The following DNAAF9 variants were observed in gnomAD, a reference collection of about 807,000 sequenced individuals.
DNAAF9 encodes the protein shulin.
A neutral mutation model predicts 167.0 loss-of-function variants in DNAAF9; 90 were observed. The observed-to-expected ratio is 0.54, with a 90% confidence interval of 0.45 to 0.64. The LOEUF (loss-of-function observed/expected upper bound fraction) is 0.64, where lower values mean the gene tolerates loss of function less well. Among genes scored for constraint, DNAAF9 ranks in the 30% least tolerant of loss-of-function variants. DNAAF9 has a pLI of 0.00. For synonymous variants in DNAAF9, 491 were observed against 508.8 expected (o/e 0.96, Z 0.47); for missense variants, 1,315 against 1,442.2 (o/e 0.91, Z 1.43).
chr20:3,294,581 C>T lies in DNAAF9; in HGVS notation c.2067G>A (p.Gly689=). ...KLFSALSQPA[G]EKRSSLKLLS... is the part of the protein sequence containing the mutation. ...GTAACTTTAGGGAACTCCGTTTCTC[C>T]CCAGCAGGCTGGCTCAGGGCACTGA... The change falls in exon 24 of 37, where the codon GGG becomes GGA. Residue 689 remains glycine, a synonymous_variant. Coordinates refer to ENST00000252032, the MANE Select transcript of DNAAF9 (RefSeq NM_001009984.3). 6.2e-7 allele frequency: 1 copy of T among 1,613,882 alleles called. No homozygotes were observed. The highest frequency in any genetic ancestry group is 2.2e-5 in the East Asian group (1 of 44,872).
rs1600724370 is a variant in DNAAF9, at chr20:3,294,891, A to G, written c.2019-262T>C. On this transcript the variant is annotated intron_variant, in intron 23 of 36. Coordinates refer to ENST00000252032, the MANE Select transcript of DNAAF9 (RefSeq NM_001009984.3). The stretch of plus-strand genomic sequence containing the variant: ...ACCTCTCCTTTTTTTTTTGAGATGG[A>G]GTCTTGCTCTGTTGCCCAGGCTGGA... Among the ~76,000 whole-genome samples, 5 of 151,554 alleles carry G rather than the reference A, an allele frequency of 3.3e-5. No individual in the cohort carries two copies. The South Asian group carries it at 1.0e-3, about 32-fold the overall frequency.
chr20:3,307,160 G>A (rs973863857), intron 20 of DNAAF9: 1 of 984,374 alleles, frequency 1.0e-6, no homozygotes, highest in South Asian at 4.7e-5. Context: ...GTCATCTCCA[G>A]CATTTCCTCT....
intron 21 of DNAAF9, among the ~76,000 whole-genome samples, chr20:3,300,720 TAA>T (rs2069170622): frequency 6.9e-6 from 1 of 145,508 alleles, no homozygotes. Context: ...ATAATAATAA[TAA>T]TAATAATTTT....
At chr20:3,266,458 T>C (rs1420898939) in intron 30 of DNAAF9, among the ~76,000 whole-genome samples, 1 of 152,180 alleles carries the variant, frequency 6.6e-6, no homozygotes, top group Non-Finnish European at 1.5e-5. Flanking sequence ...AAAATGATTA[T>C]TTTCTAGTTC....
intron 1 of DNAAF9, among the ~76,000 whole-genome samples, chr20:3,400,402 G>A (rs1440483449): frequency 6.6e-6 from 1 of 151,960 alleles, no homozygotes; most frequent in Non-Finnish European, 1.5e-5. Context: ...TCTTAGTTTT[G>A]ATAAATGCAC....
chr20:3,296,135 G>A, intron 23 of DNAAF9: 2 of 631,668 alleles, frequency 3.2e-6, no homozygotes, highest in South Asian at 2.7e-5. Flanking sequence ...AGGTAAATTA[G>A]CTTCAAGTTC....
At chr20:3,335,528 G>C (rs781093797) in intron 10 of DNAAF9, among the ~76,000 whole-genome samples, 1 of 149,260 alleles carries the variant, frequency 6.7e-6, no homozygotes, top group Non-Finnish European at 1.5e-5. Flanking sequence ...AGGTCGAGGC[G>C]GGTGGATCAC....
chr20:3,398,062 G>C (rs1279916811), intron 1 of DNAAF9, among the ~76,000 whole-genome samples: 1 of 152,132 alleles, frequency 6.6e-6, no homozygotes, highest in African/African-American at 2.4e-5. Flanking sequence ...GATTTATCCA[G>C]GTGCAAGTCA....
At chr20:3,383,497 A>C (rs1600900496) in intron 1 of DNAAF9, among the ~76,000 whole-genome samples, 1 of 151,296 alleles carries the variant, frequency 6.6e-6, no homozygotes, top group Non-Finnish European at 1.5e-5. Context: ...CGAACTCCTG[A>C]CCTCAGGTGA....
intron 27 of DNAAF9, among the ~76,000 whole-genome samples, chr20:3,282,391 T>C (rs536390762): frequency 6.6e-6 from 1 of 152,262 alleles, no homozygotes; most frequent in Admixed American, 6.5e-5. Context: ...GATCACTGCT[T>C]ACACCCCCAA....
At chr20:3,306,933 T>C in intron 20 of DNAAF9, 1 of 985,324 alleles carries the variant, frequency 1.0e-6, no homozygotes. Context: ...TAGAAACTGC[T>C]CCTGCTGCTG....
Position 3,255,993 on chromosome 20 carries a change from C to CA in DNAAF9, c.3261+12_3261+13insT, listed in dbSNP as rs746166594. ...CACATCTGTGTCAGGTCTGTCTGGG[C>CA]TCTGGAAACCACCTGCTTAGCTGAC... On this transcript the variant is annotated intron_variant, in intron 34 of 36. Coordinates refer to ENST00000252032, the MANE Select transcript of DNAAF9 (RefSeq NM_001009984.3). 1.2e-5 allele frequency: 19 copies of CA among 1,606,926 alleles called. No homozygotes were observed. The highest frequency in any genetic ancestry group is 1.5e-5 in the Non-Finnish European group (18 of 1,175,364).
intron 6 of DNAAF9, among the ~76,000 whole-genome samples, chr20:3,364,927 TCTCC>T (rs1196935949): frequency 5.0e-5 from 7 of 139,558 alleles, no homozygotes; most frequent in African/African-American, 1.4e-4. Flanking sequence ...TCTCCCTCTC[TCTCC>T]TTCTTTTCCT....
chr20:3,404,140 CT>C (rs1187206309), intron 1 of DNAAF9, among the ~76,000 whole-genome samples: 9 of 152,180 alleles, frequency 5.9e-5, no homozygotes, highest in African/African-American at 1.9e-4. Flanking sequence ...GGTGATTCTC[CT>C]GCCTCAGGCT....
In DNAAF9 at chr20:3,327,574, TGTAAAGGAATCAG is replaced by T. The variant is rs756906957; in HGVS notation, c.1101-1303_1101-1291del. On this transcript the variant is annotated intron_variant, in intron 12 of 36. Coordinates refer to ENST00000252032, the MANE Select transcript of DNAAF9 (RefSeq NM_001009984.3). ...TCTATTTTTAAGCCCATAAGAATCT[TGTAAAGGAATCAG>T]GTAAAGGAAGGTGATAGGAGTTTGA... Among the ~76,000 whole-genome samples, 146 of 152,204 alleles carry T rather than the reference TGTAAAGGAATCAG, an allele frequency of 9.6e-4. No individual in the cohort carries two copies. In the Middle Eastern group the frequency reaches 0.017, roughly 18 times the overall value.
intron 29 of DNAAF9, among the ~76,000 whole-genome samples, chr20:3,275,946 G>A (rs2068669407): frequency 6.6e-6 from 1 of 152,184 alleles, no homozygotes; most frequent in Admixed American, 6.6e-5. Flanking sequence ...TTTAAAAGCA[G>A]GCCATGACAG....
intron 20 of DNAAF9, among the ~76,000 whole-genome samples, chr20:3,306,495 G>T (rs2422865): frequency 0.26 from 39,370 of 152,064 alleles, 5,346 homozygotes; most frequent in East Asian, 0.38. Context: ...TTTCACAATT[G>T]TAACAGGTGG....
At chr20:3,345,041 A>G (rs2070166734) in intron 8 of DNAAF9, among the ~76,000 whole-genome samples, 1 of 152,146 alleles carries the variant, frequency 6.6e-6, no homozygotes, top group African/African-American at 2.4e-5. Context: ...TTATTGAGGC[A>G]GAGTTTTGCT....
At chr20:3,283,337 T>C (rs1199235120) in intron 27 of DNAAF9, among the ~76,000 whole-genome samples, 1 of 152,204 alleles carries the variant, frequency 6.6e-6, no homozygotes, top group Non-Finnish European at 1.5e-5. Context: ...AAAAAGGCCC[T>C]TGGCTTTATC....
Sources: gnomAD v4.1 joint callset for allele counts (sites outside exome capture counted in the v4.1 genomes callset) on GRCh38, gnomAD v4.1.1 for gene constraint, MANE v1.5 for transcripts, NCBI Gene and HGNC (gene_info 2026-07-23, HGNC 2026-07-21) for gene names.